The following MYO3B variants were observed in gnomAD, a reference collection of about 807,000 sequenced individuals.
MYO3B encodes myosin IIIB, also known as myosin-IIIb.
In MYO3B, 156 loss-of-function variants were observed where a neutral mutation model predicts 174.6. That is an observed-to-expected ratio of 0.89 (90% CI 0.78 to 1.02). The LOEUF is 1.02. Ranked by LOEUF, MYO3B falls within the 50% of genes least tolerant of loss-of-function variation. The probability of loss-of-function intolerance (pLI) is 0.00; values close to 1 mark genes in which losing one functional copy is unlikely to be tolerated. For missense variants in MYO3B, 1,632 were observed against 1,639.4 expected, an observed-to-expected ratio of 1.00 and a Z score of 0.08; for synonymous variants, 563 against 569.1, an observed-to-expected ratio of 0.99 and a Z score of 0.15.
rs552594236 is a variant in MYO3B, at chr2:170,416,818, G to GTTTTTTTTTTTT, written c.2650+8986_2650+8997dup. The stretch of plus-strand genomic sequence containing the variant: ...CTTTCCCCAGATCTTTTTTTCTGTT[G>GTTTTTTTTTTTT]TTTTTTTTTTTTTTTTTTTTTTTGA... On this transcript the variant is annotated intron_variant, in intron 22 of 34. Transcript: ENST00000408978. Among the ~76,000 whole-genome samples, 8 of 116,120 alleles carry GTTTTTTTTTTTT rather than the reference G, an allele frequency of 6.9e-5. No individual in the cohort carries two copies. In the South Asian group the frequency reaches 1.9e-3, roughly 28 times the overall value. The allele number at this position is 116,120 out of a possible 152,430, so 76.2% of individuals were successfully genotyped here. A position where few individuals can be genotyped will look rare whatever the true frequency, so the allele number is the denominator to read the frequency against.
At position 170,622,595 on chromosome 2, in the gene MYO3B, T is replaced by C. The variant is rs544308867; in HGVS notation, c.3734-29033T>C. On this transcript the variant is annotated intron_variant, in intron 32 of 34. Transcript: ENST00000408978. ...TACATTTTTTTTTATTATTATACTT[T>C]AAGTTCTAGGGTACATGTGCACAAC... Among the ~76,000 whole-genome samples the C allele has an allele frequency of 2.6e-4, 39 of 152,294 alleles. 1 individual carries two copies. In the South Asian group the frequency reaches 8.1e-3, roughly 32 times the overall value.
At chr2:170,198,536 A>T (rs1431301491) in intron 1 of MYO3B, among the ~76,000 whole-genome samples, 1 of 152,168 alleles carries the variant, frequency 6.6e-6, no homozygotes, top group African/African-American at 2.4e-5. Flanking sequence ...TTTTCCTTCT[A>T]CCATTCAGCA....
chr2:170,247,539 C>G (rs1186206920), intron 7 of MYO3B, among the ~76,000 whole-genome samples: 1 of 152,146 alleles, frequency 6.6e-6, no homozygotes, highest in Non-Finnish European at 1.5e-5. Flanking sequence ...TTTAGGGTGT[C>G]TTAGTTCATT....
intron 8 of MYO3B, among the ~76,000 whole-genome samples, chr2:170,356,995 C>T (rs2094127220): frequency 6.6e-6 from 1 of 151,970 alleles, no homozygotes; most frequent in Non-Finnish European, 1.5e-5. Context: ...GTGGCTCAGG[C>T]TTGTCTCTAA....
intron 25 of MYO3B, among the ~76,000 whole-genome samples, chr2:170,487,995 G>A (rs949484664): frequency 1.3e-5 from 2 of 152,170 alleles, no homozygotes; most frequent in Non-Finnish European, 2.9e-5. Flanking sequence ...GAACATCATT[G>A]AAAACAAAAG....
intron 12 of MYO3B, among the ~76,000 whole-genome samples, chr2:170,384,347 C>G (rs1385431218): frequency 1.3e-5 from 2 of 152,164 alleles, no homozygotes; most frequent in African/African-American, 2.4e-5. Flanking sequence ...ATCCATTTTA[C>G]CTTTCTAGCC....
intron 29 of MYO3B, among the ~76,000 whole-genome samples, chr2:170,517,791 C>T (rs770026932): frequency 6.6e-6 from 1 of 151,616 alleles, no homozygotes; most frequent in Admixed American, 6.6e-5. Flanking sequence ...TGAGTGTGGG[C>T]CAAACAGTGA....
At chr2:170,590,355 C>G (rs1017434779) in intron 32 of MYO3B, among the ~76,000 whole-genome samples, 5 of 152,036 alleles carry the variant, frequency 3.3e-5, no homozygotes, top group Non-Finnish European at 7.4e-5. Context: ...AGAGTAGACA[C>G]CTAAGGTGGT....
At chr2:170,418,391 T>G (rs1357560184) in intron 22 of MYO3B, among the ~76,000 whole-genome samples, 1 of 152,244 alleles carries the variant, frequency 6.6e-6, no homozygotes, top group Non-Finnish European at 1.5e-5. Context: ...ATTAATATCA[T>G]CGCTACTAAA....
rs777460347 is a variant in MYO3B at position 170,485,420 on chromosome 2, C to CACAGAGAG, written c.3015-13171_3015-13170insCAGAGAGA. 1.4e-4 allele frequency among the ~76,000 whole-genome samples: 18 copies of CACAGAGAG among 127,906 alleles called. No homozygotes were observed. In the East Asian group the frequency reaches 2.8e-3, roughly 20 times the overall value. 83.9% of individuals were successfully genotyped at this position (127,906 alleles called of 152,430 possible). Reference sequence around the variant, plus strand: ...ACACACACACACACACACACACACACAGAGAGAGAGAGAGAGAGAGAGAGC... The same window carrying CACAGAGAG: ...ACACACACACACACACACACACACACACAGAGAGAGAGAGAGAGAGAGAGAGAGAGAGC... On this transcript the variant is annotated intron_variant, in intron 25 of 34. Coordinates refer to ENST00000408978, the MANE Select transcript of MYO3B (RefSeq NM_138995.5).
intron 32 of MYO3B, among the ~76,000 whole-genome samples, chr2:170,544,603 G>A (rs1422336923): frequency 2.6e-5 from 4 of 152,202 alleles, no homozygotes; most frequent in Non-Finnish European, 5.9e-5. Context: ...TGCTCCTGAT[G>A]TTACACTTAA....
intron 25 of MYO3B, among the ~76,000 whole-genome samples, chr2:170,478,421 T>C (rs1685447105): frequency 6.6e-6 from 1 of 152,008 alleles, no homozygotes; most frequent in Non-Finnish European, 1.5e-5. Flanking sequence ...TGCTACCTCA[T>C]TTAAGAGTCA....
At chr2:170,634,972 G>T (rs1417733563) in intron 32 of MYO3B, among the ~76,000 whole-genome samples, 1 of 152,244 alleles carries the variant, frequency 6.6e-6, no homozygotes, top group Non-Finnish European at 1.5e-5. Flanking sequence ...ACAGGTGCTG[G>T]AGAGGATGTG....
intron 7 of MYO3B, among the ~76,000 whole-genome samples, chr2:170,249,042 G>A (rs147221876): frequency 2.0e-5 from 3 of 152,262 alleles, no homozygotes; most frequent in Non-Finnish European, 4.4e-5. Context: ...CACGTTTACT[G>A]CCTGCTTATC....
intron 32 of MYO3B, among the ~76,000 whole-genome samples, chr2:170,625,859 C>T (rs1293042312): frequency 3.3e-5 from 5 of 152,148 alleles, no homozygotes; most frequent in Admixed American, 1.3e-4. Context: ...CGTAGTTGAG[C>T]GGTTTTGAGT....
rs1028394859 is a variant in MYO3B at position 170,291,175 on chromosome 2, G to T, written c.750-44210G>T. Among the ~76,000 whole-genome samples, 3 of 151,008 alleles carry T rather than the reference G, an allele frequency of 2.0e-5. No individual in the cohort carries two copies. The East Asian group carries it at 5.9e-4, about 29-fold the overall frequency. On this transcript the variant is annotated intron_variant, in intron 7 of 34. Transcript: ENST00000408978. ...GAGGCAGGAGAATTGCTGGAACCTG[G>T]GAGGCAGAAGCTGCAGTGAGCCGAG...
chr2:170,587,918 T>C (rs1233149003), intron 32 of MYO3B, among the ~76,000 whole-genome samples: 2 of 152,214 alleles, frequency 1.3e-5, no homozygotes, highest in Non-Finnish European at 2.9e-5. Flanking sequence ...GAAAATTACT[T>C]GTCAGAGCAA....
intron 32 of MYO3B, among the ~76,000 whole-genome samples, chr2:170,545,757 A>G (rs185248475): frequency 6.6e-6 from 1 of 152,150 alleles, no homozygotes; most frequent in East Asian, 1.9e-4. Flanking sequence ...ATGATTTTCT[A>G]TTGGGTCTGC....
chr2:170,220,628 CAA>C (rs71006077), intron 6 of MYO3B, among the ~76,000 whole-genome samples: 3,215 of 85,656 alleles, frequency 0.038, 105 homozygotes, highest in East Asian at 0.21. Flanking sequence ...GATTCCGTCT[CAA>C]AAAAAAAAAA....
Sources: allele counts gnomAD v4.1 joint callset (sites outside exome capture counted in the v4.1 genomes callset), GRCh38; gene constraint gnomAD v4.1.1; transcripts MANE v1.5; gene names NCBI Gene and HGNC (gene_info 2026-07-23, HGNC 2026-07-21).